HIBCH: variants seen among roughly 807,000 people sequenced by gnomAD.
The protein encoded by HIBCH is 3-hydroxyisobutyryl-CoA hydrolase, mitochondrial.
Under a neutral mutation model 58.2 loss-of-function variants are expected in HIBCH, and 50 were observed. That is an observed-to-expected ratio of 0.86 (90% CI 0.68 to 1.09). HIBCH has a LOEUF of 1.09. Among genes scored for constraint, HIBCH ranks in the 50% least tolerant of loss-of-function variants. The probability of loss-of-function intolerance (pLI) is 0.00; values close to 1 mark genes in which losing one functional copy is unlikely to be tolerated. For synonymous variants in HIBCH, 151 were observed against 146.9 expected (o/e 1.03, Z -0.20); for missense variants, 450 against 449.7 (o/e 1.00, Z -0.01).
rs1229481832 is a variant in HIBCH, at chr2:190,306,298, G to C, written c.78+4456C>G. ...CTTACTGCTGGGTGTGCTATGAATA[G>C]GTATGCCATGAACCCAAGGGCCTGA... On this transcript the variant is annotated intron_variant, in intron 2 of 13. Transcript: ENST00000359678. This position sits in a 1 kb window ranked among gnomAD's most constrained non-coding sequence, Gnocchi z 4.6. 1.3e-5 allele frequency among the ~76,000 whole-genome samples: 2 copies of C among 152,072 alleles called. No homozygotes were observed. Among genetic ancestry groups the C allele is most frequent in the African/African-American group, 4.8e-5 (2 of 41,406 alleles).
chr2:190,212,119 G>C (rs899662067), intron 12 of HIBCH, among the ~76,000 whole-genome samples: 1 of 152,170 alleles, frequency 6.6e-6, no homozygotes, highest in Non-Finnish European at 1.5e-5. Context: ...GATACCATAA[G>C]ATTTAATGGA....
At chr2:190,241,812 T>A (rs950794752) in intron 11 of HIBCH, among the ~76,000 whole-genome samples, 2 of 152,196 alleles carry the variant, frequency 1.3e-5, no homozygotes, top group African/African-American at 2.4e-5. Context: ...CTGGATTGTA[T>A]GGTTTCTACA....
intron 1 of HIBCH, among the ~76,000 whole-genome samples, chr2:190,191,335 G>C (rs1575672819): frequency 6.6e-6 from 1 of 152,136 alleles, no homozygotes; most frequent in East Asian, 1.9e-4. Context: ...AGTAGAGACA[G>C]AGTTTCACCA....
In HIBCH at chr2:190,265,122, C is replaced by CAAAAAAAAA. The variant is rs1167140474; in HGVS notation, c.439-3897_439-3889dup. 7.3e-4 allele frequency among the ~76,000 whole-genome samples: 41 copies of CAAAAAAAAA among 56,278 alleles called. 4 individuals are homozygous for CAAAAAAAAA. Among genetic ancestry groups the CAAAAAAAAA allele is most frequent in the African/African-American group, 2.7e-3 (36 of 13,564 alleles). The allele number at this position is 56,278 out of a possible 152,430, so 36.9% of individuals were successfully genotyped here. A position where few individuals can be genotyped will look rare whatever the true frequency, so the allele number is the denominator to read the frequency against. Reference sequence around the variant, plus strand: ...TGGAGGACAGAGCAAGACTCCGTCTCAAAAAAAAAAAAAAAAAAAAAAAAA... The same window carrying CAAAAAAAAA: ...TGGAGGACAGAGCAAGACTCCGTCTCAAAAAAAAAAAAAAAAAAAAAAAAAAAAAAAAAA... On this transcript the variant is annotated intron_variant, in intron 6 of 13. Coordinates refer to ENST00000359678, the MANE Select transcript of HIBCH (RefSeq NM_014362.4).
At chr2:190,312,621 G>T (rs536671530) in intron 1 of HIBCH, among the ~76,000 whole-genome samples, 1 of 152,306 alleles carries the variant, frequency 6.6e-6, no homozygotes, top group African/African-American at 2.4e-5. Context: ...AATCCAACTT[G>T]CCTTTCAGAA....
chr2:190,278,367 G>A (rs888123288), intron 6 of HIBCH, among the ~76,000 whole-genome samples: 1 of 152,246 alleles, frequency 6.6e-6, no homozygotes, highest in East Asian at 1.9e-4. Context: ...ACCACATCCA[G>A]CTAATTTTGT....
intron 2 of HIBCH, among the ~76,000 whole-genome samples, chr2:190,310,392 A>G (rs757699188): frequency 6.6e-6 from 1 of 152,186 alleles, no homozygotes; most frequent in Non-Finnish European, 1.5e-5. Context: ...CCTTCTAGAG[A>G]ACACTGATTA....
rs1443074867 is a variant in HIBCH at position 190,217,632 on chromosome 2, A to C, written c.892-4557T>G. On this transcript the variant is annotated intron_variant, in intron 11 of 13. Transcript: ENST00000359678. The surrounding 1 kb of genome is among the most constrained non-coding windows in gnomAD (Gnocchi z 4.6). ...CCTCTACCCTGTCATCCCTTAGGTT[A>C]AAAAAACTTCTAACTCGAACCCTGC... Among the ~76,000 whole-genome samples the C allele has an allele frequency of 6.6e-6, 1 of 152,106 alleles. No individual in the cohort carries two copies. Among genetic ancestry groups the C allele is most frequent in the African/African-American group, 2.4e-5 (1 of 41,386 alleles).
chr2:190,247,783 C>T (rs1380489156), intron 9 of HIBCH, among the ~76,000 whole-genome samples: 1 of 152,166 alleles, frequency 6.6e-6, no homozygotes. Flanking sequence ...AGGCAAGGCC[C>T]TCCAGCAGCA....
At chr2:190,192,817 C>A (rs1438320484) in intron 1 of HIBCH, among the ~76,000 whole-genome samples, 1 of 152,064 alleles carries the variant, frequency 6.6e-6, no homozygotes, top group Non-Finnish European at 1.5e-5. Context: ...ATTTCATCTT[C>A]TGCTAAGTTT....
rs1285734655 is a variant in HIBCH, at chr2:190,254,847, A to G, written c.518-2540T>C. On this transcript the variant is annotated intron_variant, in intron 7 of 13. Coordinates refer to ENST00000359678, the MANE Select transcript of HIBCH (RefSeq NM_014362.4). This position sits in a 1 kb window ranked among gnomAD's most constrained non-coding sequence, Gnocchi z 5.0. ...CAACAGAACTTTCTACAATGATGAA[A>G]TCTATAATTTCTGCTGTCCAATAAG... 6.6e-6 allele frequency among the ~76,000 whole-genome samples: 1 copy of G among 152,232 alleles called. No individual in the cohort carries two copies. The highest frequency in any genetic ancestry group is 1.5e-5 in the Non-Finnish European group (1 of 68,030).
chr2:190,256,249 G>A (rs1416066114), intron 7 of HIBCH, among the ~76,000 whole-genome samples: 1 of 151,892 alleles, frequency 6.6e-6, no homozygotes, highest in East Asian at 1.9e-4. Context: ...ATGAGACTAA[G>A]GAAAGAATCA....
chr2:190,205,773 C>T (rs1258117958), intron 13 of HIBCH, among the ~76,000 whole-genome samples: 1 of 152,116 alleles, frequency 6.6e-6, no homozygotes, highest in Admixed American at 6.5e-5. Context: ...ATCAGGTTAT[C>T]ATGAAACCGT....
At chr2:190,240,350 C>T (rs962737066) in intron 11 of HIBCH, among the ~76,000 whole-genome samples, 7 of 152,108 alleles carry the variant, frequency 4.6e-5, no homozygotes, top group Non-Finnish European at 7.4e-5. Context: ...GTGATATCCC[C>T]TTTATCATTT....
At chr2:190,260,822 A>C (rs1687067223) in intron 7 of HIBCH, among the ~76,000 whole-genome samples, 1 of 152,220 alleles carries the variant, frequency 6.6e-6, no homozygotes, top group African/African-American at 2.4e-5. Context: ...AAATTAACTC[A>C]GAAGTGTCAT....
chr2:190,288,181 A>AAAAAAAAC (rs1687878861), intron 5 of HIBCH, among the ~76,000 whole-genome samples: 1 of 32,294 alleles, frequency 3.1e-5, no homozygotes, highest in African/African-American at 9.5e-5. Context: ...TTTTAAAAAA[A>AAAAAAAAC]GGAAGAGCTA....
chr2:190,221,429 T>G (rs1039578810), intron 11 of HIBCH, among the ~76,000 whole-genome samples: 11 of 152,230 alleles, frequency 7.2e-5, no homozygotes, highest in Admixed American at 5.9e-4. Flanking sequence ...ATTAAACACA[T>G]TTCCCTTAGC....
At chr2:190,257,515 G>C (rs1310002116) in intron 7 of HIBCH, among the ~76,000 whole-genome samples, 1 of 151,956 alleles carries the variant, frequency 6.6e-6, no homozygotes, top group Non-Finnish European at 1.5e-5. Flanking sequence ...GAAAAAAAAA[G>C]AGAAGACACA....
intron 7 of HIBCH, among the ~76,000 whole-genome samples, chr2:190,257,207 A>C (rs1351881205): frequency 6.6e-6 from 1 of 152,216 alleles, no homozygotes; most frequent in South Asian, 2.1e-4. Context: ...AAGACACAGG[A>C]ACAAAAATAA....
Sources: allele counts gnomAD v4.1 joint callset (sites outside exome capture counted in the v4.1 genomes callset), GRCh38; gene constraint gnomAD v4.1.1; non-coding constraint Gnocchi (gnomAD v3.1); transcripts MANE v1.5; gene names NCBI Gene and HGNC (gene_info 2026-07-23, HGNC 2026-07-21).